The following ANKHD1 variants were observed in gnomAD, a reference collection of about 807,000 sequenced individuals.
ANKHD1 encodes ankyrin repeat and KH domain-containing protein 1.
In ANKHD1, 31 loss-of-function variants were observed where a neutral mutation model predicts 230.5. The observed-to-expected ratio is 0.13, with a 90% CI of 0.10 to 0.18. ANKHD1 has a LOEUF of 0.18. Ranked by LOEUF, ANKHD1 falls within the 10% of genes least tolerant of loss-of-function variation. The pLI, the probability that ANKHD1 is intolerant of heterozygous loss-of-function variation, is 1.00. For missense variants in ANKHD1, 2,256 were observed against 3,071.3 expected (o/e 0.73, Z 6.27); for synonymous variants, 1,074 against 1,117.6 (o/e 0.96, Z 0.78).
chr5:140,409,675 C>A (rs969746670), intron 1 of ANKHD1, among the ~76,000 whole-genome samples: 1 of 151,962 alleles, frequency 6.6e-6, no homozygotes, highest in Non-Finnish European at 1.5e-5. Flanking sequence ...GCCTCAGCCT[C>A]CTGAGTAGCT....
At chr5:140,402,319 TTC>T in intron 1 of ANKHD1, 46 bp downstream of exon 1, 1 of 1,425,502 alleles carries the variant, frequency 7.0e-7, no homozygotes, top group Non-Finnish European at 9.1e-7. Flanking sequence ...GAGGCGTGAA[TTC>T]TCTTTGGGTA....
chr5:140,522,185 T>C (rs920853230), intron 24 of ANKHD1, among the ~76,000 whole-genome samples: 3 of 152,268 alleles, frequency 2.0e-5, no homozygotes, highest in African/African-American at 4.8e-5. Context: ...TTGTCAATTA[T>C]GGACTTTTCA....
intron 25 of ANKHD1, among the ~76,000 whole-genome samples, chr5:140,524,720 C>G (rs1280403357): frequency 6.6e-6 from 1 of 152,096 alleles, no homozygotes; most frequent in Non-Finnish European, 1.5e-5. Flanking sequence ...TTTTGTTCTA[C>G]TTGGATTCTA....
At position 140,458,783 on chromosome 5, in the gene ANKHD1, T is replaced by C; in HGVS notation, c.1401T>C (p.Val467=). 1 of 1,613,050 alleles carries C rather than the reference T, an allele frequency of 6.2e-7. No individual in the cohort carries two copies. The highest frequency in any genetic ancestry group is 1.1e-5 in the South Asian group (1 of 91,034). ...LIERGANLEE[V]NDEGYTPLME... ...AAAGGGGAGCAAATCTTGAAGAAGT[T>C]AATGATGAAGGATACACTCCCTTGA... The change falls in exon 8 of 34, where the codon GTT becomes GTC. Residue 467 remains valine (V), a synonymous_variant. Coordinates refer to ENST00000360839, the MANE Select transcript of ANKHD1 (RefSeq NM_017747.3).
chr5:140,447,236 T>G (rs995701766), intron 6 of ANKHD1, among the ~76,000 whole-genome samples: 3 of 151,772 alleles, frequency 2.0e-5, no homozygotes, highest in African/African-American at 7.3e-5. Flanking sequence ...AGGGTTTTGC[T>G]CTATCACCCA....
At chr5:140,468,887 A>G (rs1468427146) in intron 10 of ANKHD1, among the ~76,000 whole-genome samples, 8 of 152,180 alleles carry the variant, frequency 5.3e-5, no homozygotes, top group Admixed American at 5.2e-4. Context: ...AATATATATA[A>G]TAGGGATAAA....
chr5:140,482,981 G>A (rs958738548), intron 11 of ANKHD1, among the ~76,000 whole-genome samples: 1 of 152,190 alleles, frequency 6.6e-6, no homozygotes. Flanking sequence ...TATTCTGCTG[G>A]AGATGTGGGT....
At chr5:140,424,862 A>G (rs1772277839) in intron 1 of ANKHD1, among the ~76,000 whole-genome samples, 1 of 152,230 alleles carries the variant, frequency 6.6e-6, no homozygotes, top group Non-Finnish European at 1.5e-5. Context: ...AAGGGTGTAA[A>G]CTTTGTTGTC....
intron 11 of ANKHD1, 146 bp downstream of exon 11, chr5:140,482,813 CAT>C: frequency 1.2e-6 from 1 of 859,832 alleles, no homozygotes; most frequent in Non-Finnish European, 1.7e-6. Context: ...ATTTAGTAAG[CAT>C]AGAGTTTGTG....
At chr5:140,523,942 C>A in intron 24 of ANKHD1, 124 bp from the exon 25 acceptor site, 1 of 1,236,142 alleles carries the variant, frequency 8.1e-7, no homozygotes, top group Non-Finnish European at 1.1e-6. Flanking sequence ...TTCTTGTTGG[C>A]ATTTATAAAT....
chr5:140,479,756 ACC>A (rs1751178789), intron 10 of ANKHD1, among the ~76,000 whole-genome samples: 1 of 149,364 alleles, frequency 6.7e-6, no homozygotes, highest in Admixed American at 6.7e-5. Flanking sequence ...TTATATATAT[ACC>A]TATGTATGTA....
At chr5:140,532,990 C>A in intron 29 of ANKHD1, 2 of 229,390 alleles carry the variant, frequency 8.7e-6, no homozygotes, top group South Asian at 7.8e-5. Flanking sequence ...CCCAGCTACT[C>A]AGTAGGCTGA....
intron 7 of ANKHD1, among the ~76,000 whole-genome samples, chr5:140,452,110 G>C (rs968656573): frequency 6.6e-6 from 1 of 152,122 alleles, no homozygotes; most frequent in Non-Finnish European, 1.5e-5. Flanking sequence ...CACCCACGGA[G>C]CCTCCCTCAT....
intron 3 of ANKHD1, 80 bp from the exon 4 acceptor site, chr5:140,440,039 C>T: frequency 7.3e-7 from 1 of 1,366,686 alleles, no homozygotes; most frequent in South Asian, 2.1e-5. Flanking sequence ...CTTTGTGTGA[C>T]TATTTATATT....
intron 24 of ANKHD1, among the ~76,000 whole-genome samples, chr5:140,522,599 G>GT (rs1357357402): frequency 2.0e-5 from 3 of 151,902 alleles, no homozygotes; most frequent in Admixed American, 1.3e-4. Flanking sequence ...TGATCATGAT[G>GT]TTTTTTCTTT....
intron 9 of ANKHD1, among the ~76,000 whole-genome samples, chr5:140,460,884 C>G (rs962107522): frequency 4.6e-5 from 7 of 152,082 alleles, no homozygotes; most frequent in African/African-American, 1.7e-4. Context: ...TAAATGCTGA[C>G]TTTTTTCCTG....
intron 6 of ANKHD1, among the ~76,000 whole-genome samples, chr5:140,448,680 T>A (rs1774471383): frequency 6.6e-6 from 1 of 152,218 alleles, no homozygotes; most frequent in South Asian, 2.1e-4. Context: ...TTGCATTTCT[T>A]TGTTGAATTA....
rs1223237497 is a variant in ANKHD1, at chr5:140,487,070, T to G, written c.2245+10T>G. 1 of 1,599,764 alleles carries G rather than the reference T, an allele frequency of 6.3e-7. No homozygotes were observed. The highest frequency in any genetic ancestry group is 1.8e-5 in the Admixed American group (1 of 55,560). On this transcript the variant is annotated intron_variant, in intron 14 of 33. Transcript: ENST00000360839. ...TTAGGAGTGCAAAAAGGTTAGTTAT[T>G]GAATTATTTTTCTTAAAATGGGTAT...
rs373316652 is a variant in ANKHD1 at position 140,440,284 on chromosome 5, T to C, written c.765+18T>C. 6.3e-7 allele frequency: 1 copy of C among 1,599,578 alleles called. No individual in the cohort carries two copies. The highest frequency in any genetic ancestry group is 1.3e-5 in the African/African-American group (1 of 74,076). ...TAGCACAAGTAAGCAGAAATAATCT[T>C]TAGTGATTAAAATTGTGGAAGGGTT... On this transcript the variant is annotated intron_variant, in intron 4 of 33. Coordinates refer to ENST00000360839, the MANE Select transcript of ANKHD1 (RefSeq NM_017747.3).
Sources: gnomAD v4.1 joint callset for allele counts (sites outside exome capture counted in the v4.1 genomes callset) on GRCh38, gnomAD v4.1.1 for gene constraint, MANE v1.5 for transcripts, NCBI Gene and HGNC (gene_info 2026-07-23, HGNC 2026-07-21) for gene names.